Variants in SNX25 observed in about 807,000 individuals in gnomAD.
SNX25 encodes the protein sorting nexin-25.
In SNX25, 62 loss-of-function variants were observed where a neutral mutation model predicts 113.7. That is an observed-to-expected ratio of 0.55 (90% CI 0.44 to 0.67). The LOEUF is 0.67. SNX25 is among the 30% of genes least tolerant of loss of function. SNX25 has a pLI of 0.00. For synonymous variants in SNX25, 421 were observed against 436.2 expected (o/e 0.97, Z 0.43); for missense variants, 1,014 against 1,161.0 (o/e 0.87, Z 1.84).
intron 1 of SNX25, among the ~76,000 whole-genome samples, chr4:185,215,153 C>T (rs529935493): frequency 6.6e-6 from 1 of 151,886 alleles, no homozygotes; most frequent in South Asian, 2.1e-4. Flanking sequence ...GGCGTGAACC[C>T]GGGAGGCGGA....
At chr4:185,290,590 C>T (rs1459473259) in intron 6 of SNX25, among the ~76,000 whole-genome samples, 1 of 152,186 alleles carries the variant, frequency 6.6e-6, no homozygotes, top group African/African-American at 2.4e-5. Context: ...TAGATAAACT[C>T]TTACGTGCTT....
chr4:185,362,792 G>A, intron 18 of SNX25, 81 bp downstream of exon 18: 3 of 1,020,586 alleles, frequency 2.9e-6, no homozygotes, highest in Non-Finnish European at 4.5e-6. Context: ...ATGTGCCCCA[G>A]TGGCTGCAGC....
In SNX25 at chr4:185,259,081, A is replaced by G. The variant is rs1267148778; in HGVS notation, c.731+17A>G. 11 of 1,595,440 alleles carry G rather than the reference A, an allele frequency of 6.9e-6. No homozygotes were observed. The highest frequency in any genetic ancestry group is 8.6e-6 in the Non-Finnish European group (10 of 1,167,414). On this transcript the variant is annotated intron_variant, in intron 3 of 18. Coordinates refer to ENST00000652585, the MANE Select transcript of SNX25 (RefSeq NM_001378034.2). Reference sequence around the variant, plus strand: ...CAATGCCAGGTAACTGTTCTAAGCAACTTACCCCCTTTTTTGCATTAATTT... The same window carrying G: ...CAATGCCAGGTAACTGTTCTAAGCAGCTTACCCCCTTTTTTGCATTAATTT...
intron 1 of SNX25, among the ~76,000 whole-genome samples, chr4:185,217,594 T>G (rs1466832007): frequency 6.6e-6 from 1 of 152,216 alleles, no homozygotes; most frequent in East Asian, 1.9e-4. Context: ...TTCAGCTGCT[T>G]TTGTTTTTGA....
chr4:185,221,591 C>G (rs1739867860), intron 1 of SNX25, among the ~76,000 whole-genome samples: 1 of 152,136 alleles, frequency 6.6e-6, no homozygotes, highest in African/African-American at 2.4e-5. Flanking sequence ...TGTTGGCTCC[C>G]TCTTCCATTG....
Position 185,346,622 on chromosome 4 carries a change from C to A in SNX25, c.2273C>A (p.Ser758Ter). 1 of 1,580,000 alleles carries A rather than the reference C, an allele frequency of 6.3e-7. No homozygotes were observed. The highest frequency in any genetic ancestry group is 1.2e-5 in the South Asian group (1 of 83,290). ...KSIDQKFMEK[S>*]KNQLNKFLQN... is the part of the protein sequence containing the mutation. ...ATAGATCAAAAGTTTATGGAAAAGT[C>A]GAAGAATCAATTAAATAAGTTTTTA... is the stretch of plus-strand genomic sequence containing the variant. Residue 758 changes from serine to a stop codon, truncating the protein, a stop_gained, in exon 13 of 19, where the codon TCG becomes TAG. Transcript: ENST00000652585. LOFTEE classifies it high-confidence loss of function.
chr4:185,235,302 G>A (rs1742453074), intron 1 of SNX25, among the ~76,000 whole-genome samples: 1 of 152,252 alleles, frequency 6.6e-6, no homozygotes. Context: ...GGATACAGAT[G>A]TAGGCTTTTG....
At chr4:185,329,905 G>T (rs1044952689) in intron 9 of SNX25, among the ~76,000 whole-genome samples, 7 of 152,008 alleles carry the variant, frequency 4.6e-5, no homozygotes, top group African/African-American at 1.7e-4. Flanking sequence ...AGACTGGGTG[G>T]GTGGCCAGAG....
At chr4:185,316,350 GAGAT>G (rs1396037133) in intron 7 of SNX25, among the ~76,000 whole-genome samples, 1 of 152,210 alleles carries the variant, frequency 6.6e-6, no homozygotes, top group Non-Finnish European at 1.5e-5. Context: ...GAGGCGCAGA[GAGAT>G]AGAGTAACAT....
intron 10 of SNX25, among the ~76,000 whole-genome samples, chr4:185,338,021 T>C (rs1486391730): frequency 6.6e-6 from 1 of 152,192 alleles, no homozygotes; most frequent in Non-Finnish European, 1.5e-5. Flanking sequence ...TTGGGTTGTT[T>C]ATGGTTTTGT....
chr4:185,378,143 G>A, the SNX25 span: 1 of 1,614,000 alleles, frequency 6.2e-7, no homozygotes, highest in Non-Finnish European at 8.5e-7. Context: ...AGATACAGAG[G>A]CATAAAAGGG....
At chr4:185,295,410 TA>T (rs1560979757) in intron 6 of SNX25, among the ~76,000 whole-genome samples, 1 of 151,788 alleles carries the variant, frequency 6.6e-6, no homozygotes. Flanking sequence ...ACACACAATA[TA>T]AATATAGTTT....
intron 7 of SNX25, among the ~76,000 whole-genome samples, chr4:185,314,339 A>AG (rs2095053560): frequency 6.6e-6 from 1 of 151,484 alleles, no homozygotes; most frequent in African/African-American, 2.4e-5. Context: ...AAAAAAAAAA[A>AG]AAAAATTAAA....
At chr4:185,365,797 T>C (rs2095386211), downstream of SNX25, 1 of 152,040 alleles carries the variant, frequency 6.6e-6, no homozygotes, top group Non-Finnish European at 1.5e-5. Context: ...GAATGTTACA[T>C]GGGTGGTATT....
At chr4:185,248,728 T>C (rs1347566731) in intron 2 of SNX25, among the ~76,000 whole-genome samples, 1 of 152,260 alleles carries the variant, frequency 6.6e-6, no homozygotes, top group Non-Finnish European at 1.5e-5. Context: ...GTACAAATCT[T>C]AATTATACAA....
intron 3 of SNX25, among the ~76,000 whole-genome samples, chr4:185,261,936 A>G (rs1293955510): frequency 6.6e-6 from 1 of 152,242 alleles, no homozygotes; most frequent in African/African-American, 2.4e-5. Flanking sequence ...AATATTGTCT[A>G]ATATTGTCTG....
rs1747129591 is a variant in SNX25, at chr4:185,260,439, C to T, written c.731+1375C>T. On this transcript the variant is annotated intron_variant, in intron 3 of 18. Transcript: ENST00000652585. ...CTTCCCAACCATTAGTTCAGTTATACCAGATTGGAGCTTGAAATGGGCCAT... is the reference window on the plus strand; with the variant it reads ...CTTCCCAACCATTAGTTCAGTTATATCAGATTGGAGCTTGAAATGGGCCAT... Among the ~76,000 whole-genome samples, 3 of 152,018 alleles carry T rather than the reference C, an allele frequency of 2.0e-5. No individual in the cohort carries two copies. The South Asian group carries it at 6.2e-4, about 32-fold the overall frequency.
chr4:185,313,237 G>A (rs991677087), intron 7 of SNX25, among the ~76,000 whole-genome samples: 8 of 152,136 alleles, frequency 5.3e-5, no homozygotes, highest in African/African-American at 1.7e-4. Context: ...AAAGACATGC[G>A]AATACTAAGT....
chr4:185,267,132 T>C lies in SNX25; in HGVS notation c.1068T>C (p.Asp356=). ...DFIKLINSNS[D]VEFLKQLRYQ... is the part of the protein sequence containing the mutation. ...TCAAGCTCATTAACAGCAACTCTGA[T>C]GTGGAGTTCTTGAAGCAACTAAGGT... is the stretch of plus-strand genomic sequence containing the variant. Residue 356 remains aspartate (D), a synonymous_variant, in exon 5 of 19, where the codon GAT becomes GAC. Transcript: ENST00000652585. 6.2e-7 allele frequency: 1 copy of C among 1,613,746 alleles called. No homozygotes were observed. The highest frequency in any genetic ancestry group is 8.5e-7 in the Non-Finnish European group (1 of 1,179,896).
Sources: allele counts gnomAD v4.1 joint callset (sites outside exome capture counted in the v4.1 genomes callset), GRCh38; gene constraint gnomAD v4.1.1; transcripts MANE v1.5; gene names NCBI Gene and HGNC (gene_info 2026-07-23, HGNC 2026-07-21).